Variants in DEAF1 observed in about 807,000 individuals in gnomAD.
DEAF1 encodes DEAF1 transcription factor, also known as deformed epidermal autoregulatory factor 1 homolog.
In DEAF1, 53 loss-of-function variants were observed where a neutral mutation model predicts 58.9. That is an observed-to-expected ratio of 0.90 (90% CI 0.72 to 1.13). The LOEUF is 1.13. Ranked by LOEUF, DEAF1 falls within the 50% of genes most tolerant of loss-of-function variation. The pLI is 0.00. For synonymous variants in DEAF1, 385 were observed against 340.4 expected (o/e 1.13, Z -1.44); for missense variants, 685 against 791.4 (o/e 0.87, Z 1.61).
At chr11:698,786 G>A, upstream of DEAF1, 3 of 1,494,998 alleles carry the variant, frequency 2.0e-6, no homozygotes, top group South Asian at 1.1e-5. Flanking sequence ...TAAAGCAGGG[G>A]TGGTTCCTGT....
chr11:654,647 G>A, intron 10 of DEAF1: 1 of 455,130 alleles, frequency 2.2e-6, no homozygotes, highest in Non-Finnish European at 4.4e-6. Context: ...AGCCGAGGCG[G>A]GTGGATCACC....
chr11:657,760 G>A (rs1405961481), intron 10 of DEAF1, among the ~76,000 whole-genome samples: 1 of 152,180 alleles, frequency 6.6e-6, no homozygotes, highest in African/African-American at 2.4e-5. Flanking sequence ...GAAAGCACAA[G>A]ACAAGCCTGG....
chr11:693,009 C>T (rs755677404), intron 1 of DEAF1, among the ~76,000 whole-genome samples: 3 of 152,222 alleles, frequency 2.0e-5, no homozygotes, highest in Non-Finnish European at 4.4e-5. Flanking sequence ...GCCCTGGGAG[C>T]AGCCGCCCAA....
chr11:673,502 TG>T (rs1859922169), intron 10 of DEAF1, among the ~76,000 whole-genome samples: 2 of 152,198 alleles, frequency 1.3e-5, no homozygotes, highest in African/African-American at 4.8e-5. Flanking sequence ...CATTCTAGCC[TG>T]GGCGACAGAG....
In DEAF1 at chr11:654,012, A is replaced by C. The variant is rs1329335546; in HGVS notation, c.1543T>G (p.Cys515Gly). ...VNCGREAMSE[C>G]TGCHKVNYCS... The stretch of plus-strand genomic sequence containing the variant: ...TAGTTGACCTTGTGGCAGCCGGTGC[A>C]CTCGCTCATAGCCTCCCGGCCGCAG... The change falls in exon 11 of 12, where the codon TGC becomes GGC. Residue 515 changes from cysteine (C) to glycine (G), a missense_variant. Around this residue, in one of 3 missense-constraint regions of DEAF1, gnomAD observed 343 missense variants for 379.8 expected, o/e 0.90. Coordinates refer to ENST00000382409, the MANE Select transcript of DEAF1 (RefSeq NM_021008.4). 6.2e-7 allele frequency: 1 copy of C among 1,613,678 alleles called. No homozygotes were observed. The highest frequency in any genetic ancestry group is 2.2e-5 in the East Asian group (1 of 44,850).
chr11:645,667 C>T (rs769819411), intron 11 of DEAF1, among the ~76,000 whole-genome samples: 1 of 152,146 alleles, frequency 6.6e-6, no homozygotes, highest in African/African-American at 2.4e-5. Flanking sequence ...GGAACCAGCC[C>T]GTGGCTGCAG....
intron 11 of DEAF1, among the ~76,000 whole-genome samples, chr11:651,768 C>G (rs10902182): frequency 0.4 from 61,131 of 152,022 alleles, 13,078 homozygotes; most frequent in East Asian, 0.57. Flanking sequence ...TGCCTGTGGT[C>G]CCAGCTACTC....
upstream of DEAF1, chr11:699,092 C>G (rs932846731): frequency 3.2e-6 from 2 of 625,734 alleles, no homozygotes; most frequent in Non-Finnish European, 5.6e-6. Context: ...CCTGCTCAGC[C>G]CTGCACAAAG....
chr11:687,772 A>T, intron 4 of DEAF1, 139 bp downstream of exon 4: 1 of 1,095,382 alleles, frequency 9.1e-7, no homozygotes, highest in African/African-American at 1.5e-5. Flanking sequence ...CTGGTATTAC[A>T]GGCATCAGCC....
At chr11:684,633 A>C (rs1037267221) in intron 6 of DEAF1, among the ~76,000 whole-genome samples, 1 of 152,208 alleles carries the variant, frequency 6.6e-6, no homozygotes, top group Non-Finnish European at 1.5e-5. Context: ...GTGACATTAT[A>C]ACCGCTTTTC....
chr11:674,940 C>T (rs1048747128), intron 9 of DEAF1, among the ~76,000 whole-genome samples, 157 bp from the exon 10 acceptor site: 1 of 151,934 alleles, frequency 6.6e-6, no homozygotes, highest in South Asian at 2.1e-4. Flanking sequence ...GTCAGGAGAT[C>T]GAGACCATCC....
At chr11:704,573 C>G in intron 1 of DEAF1, 1 of 1,287,988 alleles carries the variant, frequency 7.8e-7, no homozygotes, top group African/African-American at 1.5e-5. Flanking sequence ...ATCTGGAGGA[C>G]CCAGCCCACA....
At chr11:691,716 A>G in intron 1 of DEAF1, 118 bp from the exon 2 acceptor site, 1 of 817,724 alleles carries the variant, frequency 1.2e-6, no homozygotes, top group East Asian at 2.7e-5. Context: ...CCTTGTAACC[A>G]GGAAGATCTT....
chr11:695,523 C>A (rs1861087795), upstream of DEAF1: 9 of 1,050,066 alleles, frequency 8.6e-6, no homozygotes, highest in Admixed American at 3.4e-4. Flanking sequence ...GAGCTTAGTG[C>A]CGCGGGTTTC....
chr11:670,759 T>TTTTTG (rs140827150), intron 10 of DEAF1, among the ~76,000 whole-genome samples: 3 of 92,990 alleles, frequency 3.2e-5, no homozygotes, highest in Non-Finnish European at 4.1e-5. Flanking sequence ...TTTTAATTTC[T>TTTTTG]TTTTTCTTTT....
In DEAF1 at chr11:674,789, G is replaced by C. The variant is rs376238473; in HGVS notation, c.1256-6C>G. 1.2e-6 allele frequency: 2 copies of C among 1,610,272 alleles called. No individual in the cohort carries two copies. The highest frequency in any genetic ancestry group is 8.5e-7 in the Non-Finnish European group (1 of 1,180,014). On this transcript the variant is annotated splice_region_variant and splice_polypyrimidine_tract_variant and intron_variant, in intron 9 of 11. Transcript: ENST00000382409. ...CGCAGGCAGGGATGTCAACACTAGAGCATTTGGAAAGCAAAACAAACCAAG... is the reference window on the plus strand; with the variant it reads ...CGCAGGCAGGGATGTCAACACTAGACCATTTGGAAAGCAAAACAAACCAAG...
At chr11:670,933 T>TTTTTTTTG (rs1423919496) in intron 10 of DEAF1, among the ~76,000 whole-genome samples, 1 of 134,284 alleles carries the variant, frequency 7.4e-6, no homozygotes, top group African/African-American at 2.9e-5. Flanking sequence ...TGGCTAATGT[T>TTTTTTTTG]TTTTTTTTTT....
chr11:678,781 G>A lies in DEAF1; in HGVS notation c.1168C>T (p.Pro390Ser). The A allele has an allele frequency of 6.2e-7, 1 of 1,614,166 alleles. No individual in the cohort carries two copies. Among genetic ancestry groups the A allele is most frequent in the Non-Finnish European group, 8.5e-7 (1 of 1,180,026 alleles). The change falls in exon 9 of 12, where the codon CCT becomes TCT. Residue 390 changes from proline to serine, a missense_variant. Transcript: ENST00000382409. ...SVQPPCRASH[P>S]EPHYPGYQDS... is the part of the protein sequence containing the mutation. ...TGATAGCCGGGGTAGTGAGGCTCAG[G>A]GTGGCTGGCCCTGCATGGGGGCTGC...
chr11:698,761 G>T (rs904031256), upstream of DEAF1: 1 of 1,316,162 alleles, frequency 7.6e-7, no homozygotes, highest in Middle Eastern at 1.8e-4. Flanking sequence ...CTACAAATAC[G>T]AGATCAAAGG....
Sources: allele counts gnomAD v4.1 joint callset (sites outside exome capture counted in the v4.1 genomes callset), GRCh38; gene constraint gnomAD v4.1.1; regional missense constraint gnomAD v4.1.1; transcripts MANE v1.5; gene names NCBI Gene and HGNC (gene_info 2026-07-23, HGNC 2026-07-21).